Variants in REST observed in about 807,000 individuals in gnomAD.
REST encodes the protein RE1 silencing transcription factor, also known as RE1-silencing transcription factor.
REST carries 1 observed loss-of-function variant against 30.4 expected under a neutral mutation model. The observed-to-expected ratio is 0.03, with a 90% CI of 0.01 to 0.16. The LOEUF is 0.16. REST is among the 10% of genes least tolerant of loss of function. The pLI is 1.00. For synonymous variants in REST, 504 were observed against 451.1 expected, an observed-to-expected ratio of 1.12 and a Z score of -1.49; for missense variants, 1,259 against 1,329.5, an observed-to-expected ratio of 0.95 and a Z score of 0.82.
Position 56,931,239 on chromosome 4 carries a change from A to G in REST, c.2381A>G (p.Gln794Arg), listed in dbSNP as rs1720957208. ...GGGGTGGTTCAGAAGGAGCCTGCTCAGAGGGAGCCACCTCCTCCCAGAGAG... is the reference window on the plus strand; with the variant it reads ...GGGGTGGTTCAGAAGGAGCCTGCTCGGAGGGAGCCACCTCCTCCCAGAGAG... ...PMGVVQKEPA[Q>R]REPPPPREPP... Residue 794 changes from glutamine (Q) to arginine (R), a missense_variant, in exon 4 of 4, where the codon CAG (glutamine) becomes CGG (arginine). Coordinates refer to ENST00000309042, the MANE Select transcript of REST (RefSeq NM_005612.5). 1 of 1,614,218 alleles carries G rather than the reference A, an allele frequency of 6.2e-7. No homozygotes were observed. Among genetic ancestry groups the G allele is most frequent in the Non-Finnish European group, 8.5e-7 (1 of 1,180,022 alleles).
intron 2 of REST, among the ~76,000 whole-genome samples, chr4:56,917,751 T>C (rs898525503): frequency 3.9e-5 from 6 of 152,148 alleles, no homozygotes; most frequent in Admixed American, 3.9e-4. Context: ...ATTGTATACC[T>C]TTTTTTAAAA....
Position 56,930,439 on chromosome 4 carries a change from C to G in REST, c.1581C>G (p.Ser527Arg). The G allele has an allele frequency of 6.2e-7, 1 of 1,613,802 alleles. No individual in the cohort carries two copies. The highest frequency in any genetic ancestry group is 1.1e-5 in the South Asian group (1 of 91,032). ...KKSKRKLEVD[S>R]HSLHGPVNDE... ...GCAAAAGGAAGCTGGAAGTTGACAG[C>G]CATTCTTTACATGGTCCTGTGAATG... The change falls in exon 4 of 4, where the codon AGC becomes AGG. Residue 527 changes from serine to arginine, a missense_variant. This residue lies in a region of REST where 856 missense variants were observed against 772.8 expected (regional missense o/e 1.11). Transcript: ENST00000309042.
In REST at chr4:56,933,809, A is replaced by G. The variant is rs1721055033; in HGVS notation, c.*1657A>G. 1 of 152,222 alleles carries G rather than the reference A, an allele frequency of 6.6e-6. No individual in the cohort carries two copies. The allele number at this position is 152,222 out of a possible 1,614,324, so 9.4% of individuals were successfully genotyped here. A position where few individuals can be genotyped will look rare whatever the true frequency, so the allele number is the denominator to read the frequency against. ...ATATGATCCCATTAGGGAATCTTGA[A>G]TTCTGACCTCCCATACTCCGTTTTG... On this transcript the variant is annotated 3_prime_UTR_variant, in exon 4 of 4. Coordinates refer to ENST00000309042, the MANE Select transcript of REST (RefSeq NM_005612.5).
chr4:56,921,629 C>T (rs1331988455), intron 3 of REST, among the ~76,000 whole-genome samples: 1 of 152,080 alleles, frequency 6.6e-6, no homozygotes, highest in Non-Finnish European at 1.5e-5. Context: ...AGCTTGGTCT[C>T]GAACTCCTGG....
At chr4:56,924,657 T>G (rs996818512) in intron 3 of REST, among the ~76,000 whole-genome samples, 3 of 151,658 alleles carry the variant, frequency 2.0e-5, no homozygotes, top group African/African-American at 7.3e-5. Context: ...AGATGGAGTC[T>G]TACTATGTTG....
At chr4:56,925,164 C>CAA (rs35149595) in intron 3 of REST, among the ~76,000 whole-genome samples, 938 of 82,372 alleles carry the variant, frequency 0.011, 5 homozygotes, top group Middle Eastern at 0.022. Flanking sequence ...GACTCAGTCT[C>CAA]AAAAAAAAAA....
At chr4:56,911,658 T>G in intron 2 of REST, 122 bp downstream of exon 2, 1 of 775,196 alleles carries the variant, frequency 1.3e-6, no homozygotes, top group South Asian at 1.8e-5. Context: ...TTTGCTATCT[T>G]TGTGACCTTG....
In REST at chr4:56,935,314, T is replaced by A. The variant is rs1320292631; in HGVS notation, c.*3162T>A. On this transcript the variant is annotated 3_prime_UTR_variant, in exon 4 of 4. Coordinates refer to ENST00000309042, the MANE Select transcript of REST (RefSeq NM_005612.5). Reference sequence around the variant, plus strand: ...AAGTCAGAAAAACTTACAGCTGGTGTTCCTAGTTTCCTGGTTGACCTCAGC... The same window carrying A: ...AAGTCAGAAAAACTTACAGCTGGTGATCCTAGTTTCCTGGTTGACCTCAGC... 1 of 152,222 alleles carries A rather than the reference T, an allele frequency of 6.6e-6. No individual in the cohort carries two copies. Among genetic ancestry groups the A allele is most frequent in the Non-Finnish European group, 1.5e-5 (1 of 68,040 alleles). 9.4% of individuals were successfully genotyped at this position (152,222 alleles called of 1,614,324 possible).
At position 56,933,998 on chromosome 4, in the gene REST, A is replaced by G. The variant is rs1045439715; in HGVS notation, c.*1846A>G. The G allele has an allele frequency of 2.0e-5, 3 of 152,180 alleles. No homozygotes were observed. The highest frequency in any genetic ancestry group is 7.2e-5 in the African/African-American group (3 of 41,436). 9.4% of individuals were successfully genotyped at this position (152,180 alleles called of 1,614,324 possible). A position where few individuals can be genotyped will look rare whatever the true frequency, so the allele number is the denominator to read the frequency against. ...GAAGTTTGAGTTAAAAGTTGTTTGAACATGGCATTGACTGGGAGGCCAAAG... is the reference window on the plus strand; with the variant it reads ...GAAGTTTGAGTTAAAAGTTGTTTGAGCATGGCATTGACTGGGAGGCCAAAG... On this transcript the variant is annotated 3_prime_UTR_variant, in exon 4 of 4. Coordinates refer to ENST00000309042, the MANE Select transcript of REST (RefSeq NM_005612.5).
intron 3 of REST, among the ~76,000 whole-genome samples, chr4:56,927,136 T>G (rs1199849617): frequency 6.6e-6 from 1 of 151,584 alleles, no homozygotes; most frequent in Non-Finnish European, 1.5e-5. Context: ...TCTAGAGAGG[T>G]TTCAGGACTT....
Position 56,930,419 on chromosome 4 carries a change from A to C in REST, c.1561A>C (p.Arg521=), listed in dbSNP as rs1720905766. Reference sequence around the variant, plus strand: ...ATTCAGTAAAACTAAGAAAAGCAAAAGGAAGCTGGAAGTTGACAGCCATTC... The same window carrying C: ...ATTCAGTAAAACTAAGAAAAGCAAACGGAAGCTGGAAGTTGACAGCCATTC... ...EKFSKTKKSK[R]KLEVDSHSLH... is the part of the protein sequence containing the mutation. The change falls in exon 4 of 4, where the codon AGG becomes CGG. Residue 521 remains arginine, a synonymous_variant. Transcript: ENST00000309042. 6.2e-7 allele frequency: 1 copy of C among 1,614,044 alleles called. No individual in the cohort carries two copies. Among genetic ancestry groups the C allele is most frequent in the South Asian group, 1.1e-5 (1 of 91,044 alleles).
At chr4:56,910,495 G>A in intron 1 of REST, 135 bp from the exon 2 acceptor site, 1 of 676,478 alleles carries the variant, frequency 1.5e-6, no homozygotes, top group South Asian at 2.8e-5. Context: ...GTTTTTAATA[G>A]GCGATGAAGT....
In REST at chr4:56,929,947, C is replaced by A; in HGVS notation, c.1089C>A (p.Cys363Ter). The change falls in exon 4 of 4, where the codon TGC becomes TGA. Residue 363 changes from cysteine to a stop codon, truncating the protein, a stop_gained. Transcript: ENST00000309042. LOFTEE classifies it low-confidence loss of function (END_TRUNC). ...QVHNGPKPLNCPHCDYKTADR... is the reference protein window; with the variant it reads ...QVHNGPKPLN The stretch of plus-strand genomic sequence containing the variant: ...ACAATGGGCCTAAACCTCTTAATTG[C>A]CCACACTGTGATTACAAAACAGCAG... The A allele has an allele frequency of 6.2e-7, 1 of 1,614,094 alleles. No homozygotes were observed. Among genetic ancestry groups the A allele is most frequent in the Non-Finnish European group, 8.5e-7 (1 of 1,180,012 alleles).
Position 56,930,231 on chromosome 4 carries a change from C to G in REST, c.1373C>G (p.Ala458Gly). Residue 458 changes from alanine to glycine, a missense_variant, in exon 4 of 4, where the codon GCT (alanine) becomes GGT (glycine). Ala to Gly is a moderately conservative substitution (Grantham distance 60). This residue lies in a region of REST where 856 missense variants were observed against 772.8 expected (regional missense o/e 1.11). Transcript: ENST00000309042. ...CAAACAAAAATAAAAGGGGATGTGG[C>G]TGGAAAGAAAAATGAAAAGTCCGTC... is the stretch of plus-strand genomic sequence containing the variant. ...IEQTKIKGDV[A>G]GKKNEKSVKA... 6.2e-7 allele frequency: 1 copy of G among 1,606,688 alleles called. No homozygotes were observed. Among genetic ancestry groups the G allele is most frequent in the Non-Finnish European group, 8.5e-7 (1 of 1,178,478 alleles).
chr4:56,920,098 C>A, intron 3 of REST: 1 of 328,398 alleles, frequency 3.0e-6, no homozygotes, highest in East Asian at 4.8e-5. Context: ...GGAGGAGGGG[C>A]CTTAATTCTC....
At position 56,930,765 on chromosome 4, in the gene REST, A is replaced by G. The variant is rs769381343; in HGVS notation, c.1907A>G (p.His636Arg). ...GTGGAGCCGCCACCTCCCATGGAGC[A>G]TGCTCAGATGGAGGGTGCCCAGATA... ...VQVEPPPPME[H>R]AQMEGAQIRP... Residue 636 changes from histidine to arginine, a missense_variant, in exon 4 of 4, where the codon CAT becomes CGT. Physicochemically the swap from His to Arg is conservative, Grantham distance 29. Coordinates refer to ENST00000309042, the MANE Select transcript of REST (RefSeq NM_005612.5). 1.7e-5 allele frequency: 28 copies of G among 1,603,334 alleles called. No individual in the cohort carries two copies. The Middle Eastern group carries it at 6.7e-4, about 38-fold the overall frequency.
At chr4:56,924,073 G>A (rs1720572247) in intron 3 of REST, among the ~76,000 whole-genome samples, 1 of 151,928 alleles carries the variant, frequency 6.6e-6, no homozygotes, top group Admixed American at 6.6e-5. Flanking sequence ...GCCCAGGCTG[G>A]CCTCAAACTC....
At chr4:56,911,784 C>G (rs928670867) in intron 2 of REST, among the ~76,000 whole-genome samples, 1 of 152,114 alleles carries the variant, frequency 6.6e-6, no homozygotes, top group Non-Finnish European at 1.5e-5. Flanking sequence ...GAGATCTTAC[C>G]GTGGTCTTAC....
rs145930044 is a variant in REST at position 56,923,441 on chromosome 4, C to CTAT, written c.982+3588_982+3590dup. On this transcript the variant is annotated intron_variant, in intron 3 of 3. Transcript: ENST00000309042. ...TGCCACCACTCCAGCTAATTGGGGA[C>CTAT]TATTATTATTATTATTATTTTTGAG... Among the ~76,000 whole-genome samples the CTAT allele has an allele frequency of 7.8e-4, 119 of 151,924 alleles. 1 individual carries two copies. Among genetic ancestry groups the CTAT allele is most frequent in the African/African-American group, 2.2e-3 (92 of 41,454 alleles).
Sources: gnomAD v4.1 joint callset for allele counts (sites outside exome capture counted in the v4.1 genomes callset) on GRCh38, gnomAD v4.1.1 for gene constraint, gnomAD v4.1.1 regional missense constraint, MANE v1.5 for transcripts, NCBI Gene and HGNC (gene_info 2026-07-23, HGNC 2026-07-21) for gene names.